RIN3: variants seen among roughly 807,000 people sequenced by gnomAD.
The protein encoded by RIN3 is Ras and Rab interactor 3.
Under a neutral mutation model 76.3 loss-of-function variants are expected in RIN3, and 54 were observed. That is an observed-to-expected ratio of 0.71 (90% confidence interval 0.57 to 0.89). The LOEUF is 0.89. RIN3 is among the 40% of genes least tolerant of loss of function. The pLI is 0.00. For synonymous variants in RIN3, 576 were observed against 564.0 expected (o/e 1.02, Z -0.30); for missense variants, 1,256 against 1,322.1 (o/e 0.95, Z 0.78).
intron 2 of RIN3, among the ~76,000 whole-genome samples, chr14:92,574,893 A>G (rs908199146): frequency 2.0e-5 from 3 of 152,168 alleles, no homozygotes; most frequent in African/African-American, 7.2e-5. Flanking sequence ...TTGAGCACTC[A>G]GGATCTAGAG....
chr14:92,521,294 C>G (rs1896591576), intron 1 of RIN3, among the ~76,000 whole-genome samples: 1 of 152,158 alleles, frequency 6.6e-6, no homozygotes, highest in Admixed American at 6.6e-5. Context: ...TCCATCCTTC[C>G]ATCTATCAAT....
chr14:92,651,976 T>C lies in RIN3; in HGVS notation c.927T>C (p.Cys309=), dbSNP rs1887453982. The change falls in exon 6 of 10, where the codon TGT becomes TGC. Residue 309 remains cysteine (C), a synonymous_variant. Coordinates refer to ENST00000216487, the MANE Select transcript of RIN3 (RefSeq NM_024832.5). The stretch of plus-strand genomic sequence containing the variant: ...CTGCTCTTGCCCCCGCCCCTGCCTG[T>C]CCTTTGCCCACCTCTCCCCCAGTGC... ...VLPALAPAPA[C]PLPTSPPVPA... is the part of the protein sequence containing the mutation. 1 of 1,180,118 alleles carries C rather than the reference T, an allele frequency of 8.5e-7. No homozygotes were observed. Among genetic ancestry groups the C allele is most frequent in the Non-Finnish European group, 1.2e-6 (1 of 867,162 alleles). 73.1% of individuals were successfully genotyped at this position (1,180,118 alleles called of 1,614,324 possible).
chr14:92,564,386 G>T (rs546033894), intron 2 of RIN3, among the ~76,000 whole-genome samples: 1 of 152,164 alleles, frequency 6.6e-6, no homozygotes, highest in South Asian at 2.1e-4. Flanking sequence ...CCATTTCCTG[G>T]ATTGCGTTAA....
chr14:92,607,337 T>A (rs1000685566), intron 3 of RIN3, among the ~76,000 whole-genome samples: 1 of 151,902 alleles, frequency 6.6e-6, no homozygotes, highest in African/African-American at 2.4e-5. Flanking sequence ...TGGAAAGGAG[T>A]TTGGCAGTTC....
chr14:92,540,928 CT>C (rs2140015679), intron 1 of RIN3, among the ~76,000 whole-genome samples: 2 of 152,354 alleles, frequency 1.3e-5, no homozygotes, highest in South Asian at 4.1e-4. Flanking sequence ...GGCAGAGCCC[CT>C]GGCAGACATC....
At chr14:92,618,079 T>C (rs1886038868) in intron 4 of RIN3, among the ~76,000 whole-genome samples, 2 of 152,230 alleles carry the variant, frequency 1.3e-5, no homozygotes, top group Admixed American at 1.3e-4. Flanking sequence ...GAGGCAGCCA[T>C]AATGAGGTAC....
intron 1 of RIN3, among the ~76,000 whole-genome samples, chr14:92,534,106 T>C (rs901098380): frequency 2.0e-5 from 3 of 152,050 alleles, no homozygotes; most frequent in African/African-American, 7.3e-5. Flanking sequence ...TGTGTGGCCA[T>C]CCATAGAGAT....
At chr14:92,527,418 C>T (rs1405138488) in intron 1 of RIN3, among the ~76,000 whole-genome samples, 2 of 152,120 alleles carry the variant, frequency 1.3e-5, no homozygotes, top group African/African-American at 4.8e-5. Flanking sequence ...CCAGTAGGAC[C>T]TCATCTTAGC....
In RIN3 at chr14:92,629,570, T is replaced by C. The variant is rs142459685; in HGVS notation, c.441-11668T>C. ...CCTATGGAGAGGATATTTCCTGTCA[T>C]AGCTGAAGTGCGAACTGGCCTTACG... On this transcript the variant is annotated intron_variant, in intron 4 of 9. Transcript: ENST00000216487. Among the ~76,000 whole-genome samples the C allele has an allele frequency of 1.6e-3, 237 of 152,346 alleles. 1 individual carries two copies. Among genetic ancestry groups the C allele is most frequent in the African/African-American group, 5.4e-3 (225 of 41,578 alleles).
At chr14:92,569,711 C>G (rs2140050317) in intron 2 of RIN3, among the ~76,000 whole-genome samples, 1 of 152,008 alleles carries the variant, frequency 6.6e-6, no homozygotes, top group East Asian at 1.9e-4. Context: ...AGAGAAGCAT[C>G]GAAGGACAGC....
intron 4 of RIN3, among the ~76,000 whole-genome samples, chr14:92,618,422 G>C (rs1344389054): frequency 6.6e-6 from 1 of 152,186 alleles, no homozygotes; most frequent in Non-Finnish European, 1.5e-5. Flanking sequence ...AGAGTATGGA[G>C]GGACCCTTCA....
intron 1 of RIN3, among the ~76,000 whole-genome samples, chr14:92,544,365 G>A (rs933175034): frequency 8.0e-6 from 1 of 125,332 alleles, no homozygotes; most frequent in Non-Finnish European, 1.6e-5. Context: ...GCTGTTCTTT[G>A]TCTCCAATGA....
chr14:92,523,101 G>A lies in RIN3; in HGVS notation c.44+9125G>A, dbSNP rs567462233. On this transcript the variant is annotated intron_variant, in intron 1 of 9. Coordinates refer to ENST00000216487, the MANE Select transcript of RIN3 (RefSeq NM_024832.5). Reference sequence around the variant, plus strand: ...TTATGAGAGGAATACATACTATCTTGTTTGTTTGTTTTATTTTATTTTATT... The same window carrying A: ...TTATGAGAGGAATACATACTATCTTATTTGTTTGTTTTATTTTATTTTATT... Among the ~76,000 whole-genome samples, 23 of 152,210 alleles carry A rather than the reference G, an allele frequency of 1.5e-4. 1 individual carries two copies. The East Asian group carries it at 4.4e-3, about 29-fold the overall frequency.
At chr14:92,620,247 TTCTC>T (rs1225082950) in intron 4 of RIN3, among the ~76,000 whole-genome samples, 1 of 152,216 alleles carries the variant, frequency 6.6e-6, no homozygotes, top group African/African-American at 2.4e-5. Flanking sequence ...GGTTTCTGGG[TTCTC>T]TCTCTGAGTG....
chr14:92,598,403 A>C (rs1409030566), intron 3 of RIN3, among the ~76,000 whole-genome samples: 2 of 152,246 alleles, frequency 1.3e-5, no homozygotes, highest in African/African-American at 2.4e-5. Flanking sequence ...GAGCAGGAGA[A>C]TCACCCAGCT....
chr14:92,676,284 TG>T (rs1350290610), intron 7 of RIN3, among the ~76,000 whole-genome samples, 190 bp from the exon 8 acceptor site: 1 of 152,078 alleles, frequency 6.6e-6, no homozygotes, highest in Non-Finnish European at 1.5e-5. Flanking sequence ...AAACTTGGAC[TG>T]TTTCTCGGGC....
chr14:92,563,595 G>C (rs770027380), intron 2 of RIN3, among the ~76,000 whole-genome samples: 1 of 151,504 alleles, frequency 6.6e-6, no homozygotes, highest in Non-Finnish European at 1.5e-5. Flanking sequence ...TGTGGAACTT[G>C]ATTTAAACCC....
At chr14:92,556,070 T>G in intron 2 of RIN3, 115 bp downstream of exon 2, 1 of 807,564 alleles carries the variant, frequency 1.2e-6, no homozygotes, top group Non-Finnish European at 2.0e-6. Flanking sequence ...TGACTGCATG[T>G]TTATTTCCCT....
At chr14:92,595,158 G>A (rs543704851) in intron 3 of RIN3, among the ~76,000 whole-genome samples, 1 of 152,208 alleles carries the variant, frequency 6.6e-6, no homozygotes, top group African/African-American at 2.4e-5. Context: ...AGTCAAGGAG[G>A]CAGAGTTGTC....
Sources: gnomAD v4.1 joint callset for allele counts (sites outside exome capture counted in the v4.1 genomes callset) on GRCh38, gnomAD v4.1.1 for gene constraint, MANE v1.5 for transcripts, NCBI Gene and HGNC (gene_info 2026-07-23, HGNC 2026-07-21) for gene names.